NLRP2: variants seen among roughly 807,000 people sequenced by gnomAD.
NLRP2 encodes NACHT, LRR and PYD domains-containing protein 2.
In NLRP2, 107 loss-of-function variants were observed where a neutral mutation model predicts 97.2. The ratio of observed to expected loss-of-function variants is 1.10; its 90% CI spans 0.94 to 1.29. NLRP2 has a LOEUF of 1.29. NLRP2 is among the 50% of genes most tolerant of loss of function. NLRP2 has a pLI of 0.00. For missense variants in NLRP2, 1,495 were observed against 1,330.3 expected, an observed-to-expected ratio of 1.12 and a Z score of -1.93; for synonymous variants, 663 against 551.5, an observed-to-expected ratio of 1.20 and a Z score of -2.83.
intron 6 of NLRP2, 28 bp downstream of exon 6, chr19:54,983,756 T>C (rs2071829517): frequency 3.1e-6 from 5 of 1,603,654 alleles, no homozygotes; most frequent in South Asian, 1.1e-5. Flanking sequence ...CTACCAGTCG[T>C]TCCATCTTTA....
chr19:54,998,654 TTGA>T (rs1324028930), intron 12 of NLRP2, among the ~76,000 whole-genome samples: 1 of 122,590 alleles, frequency 8.2e-6, no homozygotes, highest in Non-Finnish European at 1.8e-5. Flanking sequence ...TTTTTTTTTA[TTGA>T]TCATTCTTGG....
At chr19:54,977,531 C>T (rs2071319231) in intron 3 of NLRP2, among the ~76,000 whole-genome samples, 1 of 143,114 alleles carries the variant, frequency 7.0e-6, no homozygotes, top group Non-Finnish European at 1.6e-5. Context: ...GTGTCTTTCA[C>T]ACCATGTGTT....
At chr19:54,989,903 A>T (rs2072343244) in intron 8 of NLRP2, 119 bp from the exon 9 acceptor site, 6 of 1,035,786 alleles carry the variant, frequency 5.8e-6, no homozygotes, top group Non-Finnish European at 8.9e-6. Context: ...AGGCAGGAGA[A>T]TCACTTGAAC....
At chr19:54,998,019 T>C (rs2072934020) in intron 12 of NLRP2, among the ~76,000 whole-genome samples, 1 of 139,470 alleles carries the variant, frequency 7.2e-6, no homozygotes, top group Admixed American at 7.7e-5. Context: ...GTTTTGTTTT[T>C]TCTTTCTTTT....
At chr19:54,983,850 C>G (rs1276107012) in intron 6 of NLRP2, 122 bp downstream of exon 6, 1 of 1,378,622 alleles carries the variant, frequency 7.3e-7, no homozygotes, top group South Asian at 1.2e-5. Flanking sequence ...TTGTTGGACT[C>G]TTTGTTTGTT....
In NLRP2 at chr19:54,990,530, A is replaced by G; in HGVS notation, c.2566A>G (p.Asn856Asp). 1 of 1,614,148 alleles carries G rather than the reference A, an allele frequency of 6.2e-7. No individual in the cohort carries two copies. The highest frequency in any genetic ancestry group is 8.5e-7 in the Non-Finnish European group (1 of 1,180,038). The change falls in exon 10 of 13, where the codon AAT becomes GAT. Residue 856 changes from asparagine to aspartate, a missense_variant. Coordinates refer to ENST00000448584, the MANE Select transcript of NLRP2 (RefSeq NM_017852.5). ...GGAAAACTGTCACCTTACAGAAGCC[A>G]ATTGCAAGGACCTTGCTGCTGTGTT... ...SLENCHLTEA[N>D]CKDLAAVLVV...
At chr19:54,973,344 G>GT (rs10673643) in intron 2 of NLRP2, among the ~76,000 whole-genome samples, 4,902 of 92,448 alleles carry the variant, frequency 0.053, 236 homozygotes, top group African/African-American at 0.091. Flanking sequence ...ATGGGTGAGG[G>GT]TTTTTTTTTT....
chr19:54,986,765 C>G (rs192621465), intron 8 of NLRP2, among the ~76,000 whole-genome samples: 26 of 152,252 alleles, frequency 1.7e-4, no homozygotes, highest in Admixed American at 1.5e-3. Flanking sequence ...CCAGGCTGGT[C>G]TCGAACTCAT....
intron 3 of NLRP2, chr19:54,977,080 T>G: frequency 3.4e-6 from 1 of 295,930 alleles, no homozygotes; most frequent in Non-Finnish European, 6.6e-6. Context: ...CCCAAAGTGT[T>G]GGGTTACAGG....
chr19:54,966,626 A>G (rs1394877534), intron 1 of NLRP2, among the ~76,000 whole-genome samples, 159 bp downstream of exon 1: 3 of 149,148 alleles, frequency 2.0e-5, no homozygotes, highest in Non-Finnish European at 4.5e-5. Context: ...GCTCACTGCA[A>G]GCTCCGCCTC....
chr19:54,968,560 T>G lies in NLRP2; in HGVS notation c.-17-1439T>G, dbSNP rs929655306. 5.3e-5 allele frequency among the ~76,000 whole-genome samples: 8 copies of G among 150,826 alleles called. No homozygotes were observed. The Admixed American group carries it at 5.3e-4, about 10-fold the overall frequency. ...CATGTTGCCCAGGCTGGTCTCAAAC[T>G]CCAAGCAATCCTCCCACCTTGGCTT... On this transcript the variant is annotated intron_variant, in intron 1 of 12. Coordinates refer to ENST00000448584, the MANE Select transcript of NLRP2 (RefSeq NM_017852.5).
intron 2 of NLRP2, among the ~76,000 whole-genome samples, chr19:54,970,770 C>CTTTTTTTTTTTTTTTTTTTTCTTTT (rs34406686): frequency 9.2e-6 from 1 of 108,470 alleles, no homozygotes; most frequent in Non-Finnish European, 1.9e-5. Flanking sequence ...CTACCTACTT[C>CTTTTTTTTTTTTTTTTTTTTCTTTT]TTTTTTTTTT....
intron 12 of NLRP2, 39 bp downstream of exon 12, chr19:54,997,526 G>A (rs2072902393): frequency 6.2e-7 from 1 of 1,609,952 alleles, no homozygotes; most frequent in Non-Finnish European, 8.5e-7. Flanking sequence ...TTTCTCCAGA[G>A]TGGTAGGTTT....
At chr19:54,969,161 C>G (rs2070683961) in intron 1 of NLRP2, among the ~76,000 whole-genome samples, 1 of 152,042 alleles carries the variant, frequency 6.6e-6, no homozygotes, top group African/African-American at 2.4e-5. Context: ...TATAGGTTAA[C>G]TTTTAGAACC....
At chr19:54,985,435 C>T (rs564734651) in intron 7 of NLRP2, among the ~76,000 whole-genome samples, 11 of 152,056 alleles carry the variant, frequency 7.2e-5, no homozygotes, top group Admixed American at 1.3e-4. Flanking sequence ...TCCAACACTT[C>T]GGGAGGCCGA....
chr19:54,986,513 G>C (rs1034374834), intron 8 of NLRP2, 198 bp downstream of exon 8: 1 of 614,198 alleles, frequency 1.6e-6, no homozygotes, highest in African/African-American at 1.9e-5. Context: ...ACAACCATAC[G>C]TGAGGACCCT....
Position 54,994,419 on chromosome 19 carries a change from G to A in NLRP2, c.2859G>A (p.Leu953=), listed in dbSNP as rs765679543. 1.9e-6 allele frequency: 3 copies of A among 1,613,074 alleles called. No individual in the cohort carries two copies. The highest frequency in any genetic ancestry group is 1.1e-5 in the South Asian group (1 of 91,014). Residue 953 remains leucine, a synonymous_variant, in exon 11 of 13, where the codon CTG becomes CTA. Coordinates refer to ENST00000448584, the MANE Select transcript of NLRP2 (RefSeq NM_017852.5). ...KFLCEALRKP[L]CNLRCLWLWG... is the part of the protein sequence containing the mutation. ...TGTGTGAGGCTTTGAGGAAACCACT[G>A]TGCAACTTGAGATGTCTGTGGTGAG...
In NLRP2 at chr19:54,982,453, G is replaced by T. The variant is rs201496089; in HGVS notation, c.755G>T (p.Arg252Leu). 16 of 1,614,162 alleles carry T rather than the reference G, an allele frequency of 9.9e-6. No individual in the cohort carries two copies. The highest frequency in any genetic ancestry group is 7.7e-5 in the South Asian group (7 of 91,074). ...TACCTCAGCTGCAGGGAGCTCAGCC[G>T]CCTGGGCCCGTGCAGTTTTGCAGAG... Reference protein sequence around the residue: ...AFYLSCRELSRLGPCSFAELV... With the variant: ...AFYLSCRELSLLGPCSFAELV... The change falls in exon 6 of 13, where the codon CGC becomes CTC. Residue 252 changes from arginine to leucine, a missense_variant. By Grantham distance (102) the Arg-to-Leu change is moderately radical (BLOSUM62 -2). Transcript: ENST00000448584.
chr19:54,999,505 G>A (rs2073063105), intron 12 of NLRP2, among the ~76,000 whole-genome samples: 1 of 152,052 alleles, frequency 6.6e-6, no homozygotes, highest in Non-Finnish European at 1.5e-5. Context: ...TGCCAAAGTG[G>A]GTGATAGAGC....
Sources: allele counts gnomAD v4.1 joint callset (sites outside exome capture counted in the v4.1 genomes callset), GRCh38; gene constraint gnomAD v4.1.1; transcripts MANE v1.5; gene names NCBI Gene and HGNC (gene_info 2026-07-23, HGNC 2026-07-21).